WDPCP: variants seen among roughly 807,000 people sequenced by gnomAD.
WDPCP encodes the protein WD repeat containing planar cell polarity effector, also known as WD repeat-containing and planar cell polarity effector protein fritz homolog.
WDPCP carries 71 observed loss-of-function variants against 93.1 expected under a neutral mutation model. The observed-to-expected ratio is 0.76, with a 90% CI of 0.63 to 0.93. WDPCP has a LOEUF of 0.93. Ranked by LOEUF, WDPCP falls within the 40% of genes least tolerant of loss-of-function variation. The pLI, the probability that WDPCP is intolerant of heterozygous loss-of-function variation, is 0.00. For synonymous variants in WDPCP, 315 were observed against 315.0 expected, an observed-to-expected ratio of 1.00 and a Z score of 0.00; for missense variants, 844 against 887.4, an observed-to-expected ratio of 0.95 and a Z score of 0.62.
chr2:63,396,133 C>G (rs529800087), intron 10 of WDPCP, among the ~76,000 whole-genome samples: 2 of 152,168 alleles, frequency 1.3e-5, no homozygotes, highest in African/African-American at 4.8e-5. Flanking sequence ...AAGTAGAAGC[C>G]TGTCTAGAAT....
At position 63,248,562 on chromosome 2, in the gene WDPCP, T is replaced by C. The variant is rs565916527; in HGVS notation, c.1915+10745A>G. On this transcript the variant is annotated intron_variant, in intron 14 of 17. Coordinates refer to ENST00000272321, the MANE Select transcript of WDPCP (RefSeq NM_015910.7). ...AGCATCTTGGATTTGTGGATCCATG[T>C]ATTTCCTAAAATTTGGGAGGGTTTT... Among the ~76,000 whole-genome samples the C allele has an allele frequency of 1.0e-3, 156 of 152,316 alleles. 1 individual carries two copies. Among genetic ancestry groups the C allele is most frequent in the Non-Finnish European group, 2.1e-3 (141 of 68,018 alleles).
At chr2:63,253,028 C>T (rs974855183) in intron 14 of WDPCP, among the ~76,000 whole-genome samples, 1 of 152,088 alleles carries the variant, frequency 6.6e-6, no homozygotes, top group Non-Finnish European at 1.5e-5. Context: ...TACAAGTCTG[C>T]AGTAACCAAA....
rs1697377968 is a variant in WDPCP, at chr2:63,439,761, A to G, written c.495T>C (p.Ser165=). The change falls in exon 7 of 18, where the codon AGT becomes AGC. Residue 165 remains serine, a synonymous_variant. Coordinates refer to ENST00000272321, the MANE Select transcript of WDPCP (RefSeq NM_015910.7). ...TTTGCACATGGGGGTAATTACCATC[A>G]CTGATGGTGTCTGAGATGAGCTTCC... The part of the protein sequence containing the change: ...LVGKLISDTI[S]DALLTDSFII... 2 of 1,612,612 alleles carry G rather than the reference A, an allele frequency of 1.2e-6. No individual in the cohort carries two copies. The highest frequency in any genetic ancestry group is 1.7e-6 in the Non-Finnish European group (2 of 1,178,998).
chr2:63,408,267 A>G (rs1259843454), intron 9 of WDPCP, among the ~76,000 whole-genome samples: 1 of 152,168 alleles, frequency 6.6e-6, no homozygotes, highest in Non-Finnish European at 1.5e-5. Context: ...GAGTGCCCCA[A>G]CTGCGGAGTG....
chr2:63,366,679 C>A (rs1690937520), intron 12 of WDPCP, among the ~76,000 whole-genome samples: 1 of 152,104 alleles, frequency 6.6e-6, no homozygotes, highest in Non-Finnish European at 1.5e-5. Flanking sequence ...CATATTCAAA[C>A]TTTCATGTTG....
intron 3 of WDPCP, among the ~76,000 whole-genome samples, chr2:63,609,993 C>T (rs1288394218): frequency 1.3e-5 from 2 of 152,078 alleles, no homozygotes; most frequent in Non-Finnish European, 2.9e-5. Flanking sequence ...GCATGGGTTT[C>T]GGTTTGAATA....
chr2:63,279,177 CA>C (rs1307825822), intron 13 of WDPCP, among the ~76,000 whole-genome samples: 1 of 152,062 alleles, frequency 6.6e-6, no homozygotes, highest in African/African-American at 2.4e-5. Context: ...AAGGACATAA[CA>C]AAAAATGAAA....
At chr2:63,245,137 C>T (rs1680171860) in intron 14 of WDPCP, among the ~76,000 whole-genome samples, 1 of 152,086 alleles carries the variant, frequency 6.6e-6, no homozygotes, top group Non-Finnish European at 1.5e-5. Context: ...CCTCAGCTGT[C>T]ATATCTTTTC....
intron 1 of WDPCP, among the ~76,000 whole-genome samples, chr2:63,533,544 G>T (rs1281741526): frequency 2.0e-5 from 3 of 152,130 alleles, no homozygotes; most frequent in Non-Finnish European, 4.4e-5. Context: ...TTAGAACTCA[G>T]GATTAAGAGA....
chr2:63,607,596 A>C (rs1219764749), intron 3 of WDPCP, among the ~76,000 whole-genome samples: 1 of 151,744 alleles, frequency 6.6e-6, no homozygotes, highest in Non-Finnish European at 1.5e-5. Flanking sequence ...TTTGGGAGGC[A>C]GAGGCGGGCG....
At chr2:63,604,810 A>G (rs1223855116) in intron 3 of WDPCP, 2 of 1,614,092 alleles carry the variant, frequency 1.2e-6, no homozygotes, top group Non-Finnish European at 1.7e-6. Flanking sequence ...ATTGCAAGGA[A>G]AGGAAGTTGG....
At chr2:63,596,689 T>G (rs763870768) in intron 3 of WDPCP, among the ~76,000 whole-genome samples, 10 of 152,226 alleles carry the variant, frequency 6.6e-5, no homozygotes, top group Non-Finnish European at 1.5e-4. Flanking sequence ...TAGCCAATTT[T>G]CCAGTGAAAA....
At chr2:63,501,678 G>A (rs1158790307) in intron 1 of WDPCP, among the ~76,000 whole-genome samples, 5 of 137,618 alleles carry the variant, frequency 3.6e-5, no homozygotes, top group South Asian at 5.0e-4. Context: ...GTGCAGCGGC[G>A]CGATCTCAGC....
At chr2:63,802,438 C>T (rs1324549333) in intron 2 of WDPCP, among the ~76,000 whole-genome samples, 1 of 152,036 alleles carries the variant, frequency 6.6e-6, no homozygotes, top group Non-Finnish European at 1.5e-5. Context: ...ACTATTTTCT[C>T]CATATAACAA....
chr2:63,809,205 G>T (rs899220448), intron 2 of WDPCP, among the ~76,000 whole-genome samples: 30 of 151,910 alleles, frequency 2.0e-4, no homozygotes, highest in African/African-American at 6.8e-4. Context: ...CGCCCGGGAG[G>T]TGAGGGGCGC....
rs548440965 is a variant in WDPCP at position 63,580,553 on chromosome 2, AC to A, written c.75+7643del. ...CAAGCCTGAATTTAACCACAAAAAA[AC>A]ATCAAACAAACCCAAATTGAGGGAT... On this transcript the variant is annotated intron_variant, in intron 1 of 17. Coordinates refer to ENST00000272321, the MANE Select transcript of WDPCP (RefSeq NM_015910.7). 1.6e-3 allele frequency among the ~76,000 whole-genome samples: 241 copies of A among 152,310 alleles called. 1 individual carries two copies. Among genetic ancestry groups the A allele is most frequent in the Admixed American group, 3.5e-3 (54 of 15,296 alleles).
intron 12 of WDPCP, among the ~76,000 whole-genome samples, chr2:63,370,812 G>A (rs1691312962): frequency 6.6e-6 from 1 of 151,030 alleles, no homozygotes; most frequent in African/African-American, 2.4e-5. Context: ...TATTCCCTTT[G>A]CTTTTTTTTC....
intron 14 of WDPCP, among the ~76,000 whole-genome samples, chr2:63,258,640 T>C (rs1192610465): frequency 6.6e-6 from 1 of 152,128 alleles, no homozygotes; most frequent in Non-Finnish European, 1.5e-5. Flanking sequence ...TTAGGAATAA[T>C]AAATACTCAG....
At chr2:63,747,110 T>C (rs990028451) in intron 2 of WDPCP, among the ~76,000 whole-genome samples, 2 of 152,140 alleles carry the variant, frequency 1.3e-5, no homozygotes, top group African/African-American at 4.8e-5. Flanking sequence ...GGCTGAATTT[T>C]CCCTGATAAA....
Sources: allele counts gnomAD v4.1 joint callset (sites outside exome capture counted in the v4.1 genomes callset), GRCh38; gene constraint gnomAD v4.1.1; transcripts MANE v1.5; gene names NCBI Gene and HGNC (gene_info 2026-07-23, HGNC 2026-07-21).